FGF14: variants seen among roughly 807,000 people sequenced by gnomAD.
FGF14 encodes fibroblast growth factor homologous factor 4.
Under a neutral mutation model 25.5 loss-of-function variants are expected in FGF14, and 5 were observed. That is an observed-to-expected ratio of 0.20 (90% CI 0.10 to 0.41). FGF14 has a LOEUF of 0.41. Among genes scored for constraint, FGF14 ranks in the 10% least tolerant of loss-of-function variants. FGF14 has a pLI of 1.00. For missense variants in FGF14, 222 were observed against 320.1 expected (o/e 0.69, Z 2.34); for synonymous variants, 138 against 118.3 (o/e 1.17, Z -1.08).
intron 1 of FGF14, among the ~76,000 whole-genome samples, chr13:101,997,443 TA>T (rs768116477): frequency 2.5e-3 from 383 of 152,310 alleles, no homozygotes; most frequent in Non-Finnish European, 4.5e-3. Flanking sequence ...TTATTAATGC[TA>T]AGACTCATGG....
At chr13:102,275,239 T>TCTCTCTCC (rs1566889175) in intron 1 of FGF14, among the ~76,000 whole-genome samples, 2 of 91,366 alleles carry the variant, frequency 2.2e-5, no homozygotes, top group African/African-American at 4.9e-5. Flanking sequence ...CAGATTTCTC[T>TCTCTCTCC]CTCTCTCTCT....
At chr13:101,958,762 A>G (rs1166548942) in intron 1 of FGF14, among the ~76,000 whole-genome samples, 1 of 152,244 alleles carries the variant, frequency 6.6e-6, no homozygotes, top group African/African-American at 2.4e-5. Flanking sequence ...CTCTGAGACC[A>G]TAACAAAGTG....
intron 3 of FGF14, among the ~76,000 whole-genome samples, chr13:101,766,881 G>A (rs2038439660): frequency 6.6e-6 from 1 of 152,102 alleles, no homozygotes; most frequent in Admixed American, 6.6e-5. Context: ...TGGGAATGAG[G>A]AGAGAGGCAT....
intron 3 of FGF14, among the ~76,000 whole-genome samples, chr13:101,825,767 G>A (rs1303111680): frequency 6.6e-6 from 1 of 152,114 alleles, no homozygotes; most frequent in Non-Finnish European, 1.5e-5. Flanking sequence ...TGAGATTCAA[G>A]TGTCTCAAGC....
intron 1 of FGF14, among the ~76,000 whole-genome samples, chr13:102,001,458 A>C (rs1455983350): frequency 2.0e-5 from 3 of 152,100 alleles, no homozygotes; most frequent in African/African-American, 7.2e-5. Context: ...AAAATATAAT[A>C]TTTTTACTGG....
At chr13:102,277,532 G>A (rs2053606856) in intron 1 of FGF14, among the ~76,000 whole-genome samples, 1 of 152,192 alleles carries the variant, frequency 6.6e-6, no homozygotes, top group South Asian at 2.1e-4. Flanking sequence ...CCCTTTCCCA[G>A]GGGAGGGACC....
At chr13:101,934,579 GTA>G (rs903830570) in intron 1 of FGF14, among the ~76,000 whole-genome samples, 2 of 152,138 alleles carry the variant, frequency 1.3e-5, no homozygotes, top group Admixed American at 1.3e-4. Flanking sequence ...TATTTACTTT[GTA>G]TATGTTAGAC....
intron 3 of FGF14, among the ~76,000 whole-genome samples, chr13:101,829,964 C>T (rs913553522): frequency 6.6e-6 from 1 of 152,068 alleles, no homozygotes; most frequent in African/African-American, 2.4e-5. Flanking sequence ...AAACCTTTGT[C>T]CTTTTCATTG....
chr13:102,365,829 T>C (rs910491247), intron 1 of FGF14, among the ~76,000 whole-genome samples: 4 of 152,160 alleles, frequency 2.6e-5, no homozygotes, highest in African/African-American at 7.2e-5. Context: ...ATTTTTTGTA[T>C]ATGTAGACCT....
chr13:101,726,441 A>G (rs1191058538), intron 4 of FGF14, among the ~76,000 whole-genome samples, 171 bp downstream of exon 4: 2 of 152,066 alleles, frequency 1.3e-5, no homozygotes, highest in Admixed American at 6.6e-5. Context: ...TAAGGGGCAC[A>G]AATTCTAAAT....
intron 1 of FGF14, among the ~76,000 whole-genome samples, chr13:102,248,454 T>G (rs533743870): frequency 6.6e-6 from 1 of 152,268 alleles, no homozygotes; most frequent in East Asian, 1.9e-4. Flanking sequence ...AGTACATATA[T>G]CTTATTTGAG....
chr13:102,239,439 C>A (rs1164978835), intron 1 of FGF14, among the ~76,000 whole-genome samples: 2 of 152,126 alleles, frequency 1.3e-5, no homozygotes, highest in African/African-American at 4.8e-5. Flanking sequence ...TTGGGCATTC[C>A]TAGCCAGCTC....
chr13:102,176,185 C>A (rs190677419), intron 1 of FGF14, among the ~76,000 whole-genome samples: 39 of 152,072 alleles, frequency 2.6e-4, no homozygotes, highest in Non-Finnish European at 5.9e-5. Flanking sequence ...TACCACTGGT[C>A]TATTGGGTAA....
chr13:101,838,128 T>C (rs2043014022), intron 3 of FGF14, among the ~76,000 whole-genome samples: 1 of 151,912 alleles, frequency 6.6e-6, no homozygotes, highest in African/African-American at 2.4e-5. Context: ...ATCATATGAG[T>C]CAATATTGCT....
At chr13:101,827,516 T>C (rs1408527100) in intron 3 of FGF14, among the ~76,000 whole-genome samples, 3 of 151,890 alleles carry the variant, frequency 2.0e-5, no homozygotes, top group African/African-American at 7.2e-5. Flanking sequence ...TATAAATGCT[T>C]TTTATACTTA....
intron 1 of FGF14, among the ~76,000 whole-genome samples, chr13:102,297,554 T>G (rs908248752): frequency 1.3e-5 from 2 of 152,040 alleles, no homozygotes; most frequent in African/African-American, 4.8e-5. Flanking sequence ...TCTCTGCAAC[T>G]TTTCTGTAAA....
chr13:102,360,825 C>CTGTA lies in FGF14; in HGVS notation c.208+40642_208+40645dup, dbSNP rs556091149. 2.1e-4 allele frequency among the ~76,000 whole-genome samples: 32 copies of CTGTA among 152,190 alleles called. No individual in the cohort carries two copies. The East Asian group carries it at 4.3e-3, about 20-fold the overall frequency. ...CGTGTCTTAACCAAGCCAGTTCCCA[C>CTGTA]TGTATACTCCATTCTAAACACTGGA... is the stretch of plus-strand genomic sequence containing the variant. On this transcript the variant is annotated intron_variant, in intron 1 of 4. Transcript: ENST00000376131.
chr13:102,014,311 T>C (rs563368483), intron 1 of FGF14, among the ~76,000 whole-genome samples: 4 of 152,308 alleles, frequency 2.6e-5, no homozygotes, highest in African/African-American at 9.6e-5. Context: ...TAGTTAATTT[T>C]TAAATGAAAA....
chr13:101,811,761 C>T (rs1367785984), intron 3 of FGF14, among the ~76,000 whole-genome samples: 1 of 152,164 alleles, frequency 6.6e-6, no homozygotes, highest in African/African-American at 2.4e-5. Flanking sequence ...TGTTGCTCCC[C>T]AGCGTTTGAC....
Sources: allele counts gnomAD v4.1 joint callset (sites outside exome capture counted in the v4.1 genomes callset), GRCh38; gene constraint gnomAD v4.1.1; transcripts MANE v1.5; gene names NCBI Gene and HGNC (gene_info 2026-07-23, HGNC 2026-07-21).